SEMA3B: variants seen among roughly 807,000 people sequenced by gnomAD.
SEMA3B encodes the protein semaphorin-3B.
Under a neutral mutation model 77.8 loss-of-function variants are expected in SEMA3B, and 71 were observed. The observed-to-expected ratio is 0.91, with a 90% CI of 0.75 to 1.11. SEMA3B has a LOEUF of 1.11. Ranked by LOEUF, SEMA3B falls within the 50% of genes most tolerant of loss-of-function variation. The probability of loss-of-function intolerance (pLI) is 0.00; values close to 1 mark genes in which losing one functional copy is unlikely to be tolerated. For synonymous variants in SEMA3B, 470 were observed against 452.9 expected (o/e 1.04, Z -0.48); for missense variants, 968 against 1,056.8 (o/e 0.92, Z 1.17).
upstream of SEMA3B, among the ~76,000 whole-genome samples, chr3:50,265,911 AG>A (rs1553704393): frequency 6.6e-6 from 1 of 152,186 alleles, no homozygotes; most frequent in African/African-American, 2.4e-5. Flanking sequence ...TACTCAAGGG[AG>A]GGTACACATC....
In SEMA3B at chr3:50,270,093, G is replaced by A; in HGVS notation, c.110-34G>A. The A allele has an allele frequency of 1.3e-6, 2 of 1,500,360 alleles. No individual in the cohort carries two copies. The highest frequency in any genetic ancestry group is 1.8e-6 in the Non-Finnish European group (2 of 1,121,712). 92.9% of individuals were successfully genotyped at this position (1,500,360 alleles called of 1,614,324 possible). ...GGACCTGGGGGAGGCTTCCAGCATG[G>A]CTGGCGAGTCATCAGCAGTGTCCTG... On this transcript the variant is annotated intron_variant, in intron 1 of 16. Coordinates refer to ENST00000616701, the MANE Select transcript of SEMA3B (RefSeq NM_001290060.2). This position sits in a 1 kb window ranked among gnomAD's most constrained non-coding sequence, Gnocchi z 4.7.
Position 50,276,185 on chromosome 3 carries a change from C to T in SEMA3B, c.1846-117C>T, listed in dbSNP as rs1458328134. 9 of 1,324,732 alleles carry T rather than the reference C, an allele frequency of 6.8e-6. No individual in the cohort carries two copies. In the African/African-American group the frequency reaches 1.4e-4, roughly 20 times the overall value. 82.1% of individuals were successfully genotyped at this position (1,324,732 alleles called of 1,614,324 possible). A position where few individuals can be genotyped will look rare whatever the true frequency, so the allele number is the denominator to read the frequency against. On this transcript the variant is annotated intron_variant, in intron 16 of 16. Coordinates refer to ENST00000616701, the MANE Select transcript of SEMA3B (RefSeq NM_001290060.2). The surrounding 1 kb of genome is among the most constrained non-coding windows in gnomAD (Gnocchi z 5.8). The stretch of plus-strand genomic sequence containing the variant: ...CCTTAAAATGTGCGCCTGCGGGCAC[C>T]CCTTTCCCGCTCCACCTCGGCTCCC...
chr3:50,269,313 GC>G lies in SEMA3B; in HGVS notation c.78del (p.Ser27AlafsTer88). ...LLWAVGLGSA[A>X]PSPPRLRLSF... ...CTGGGCAGTGGGGCTGGGGAGTGCC[GC>G]CCCCAGCCCCCCACGCCTTCGGCTC... On this transcript the variant is annotated frameshift_variant, in exon 1 of 17. Coordinates refer to ENST00000616701, the MANE Select transcript of SEMA3B (RefSeq NM_001290060.2). LOFTEE classifies it high-confidence loss of function. The surrounding 1 kb of genome is among the most constrained non-coding windows in gnomAD (Gnocchi z 4.0). 2.0e-6 allele frequency: 3 copies of G among 1,523,134 alleles called. No homozygotes were observed. The highest frequency in any genetic ancestry group is 8.8e-7 in the Non-Finnish European group (1 of 1,140,010). The allele number at this position is 1,523,134 out of a possible 1,614,324, so 94.4% of individuals were successfully genotyped here. A position where few individuals can be genotyped will look rare whatever the true frequency, so the allele number is the denominator to read the frequency against.
At chr3:50,265,847 G>A (rs1553704386), upstream of SEMA3B, among the ~76,000 whole-genome samples, 4 of 152,148 alleles carry the variant, frequency 2.6e-5, no homozygotes, top group African/African-American at 9.7e-5. Context: ...ACAGAAAGGG[G>A]ACCATGTGGA....
downstream of SEMA3B, chr3:50,277,546 C>CAAAAAAAAAAAAAAAAAAAAAAAAAA (rs1156412582): frequency 4.4e-5 from 1 of 22,818 alleles, no homozygotes; most frequent in Non-Finnish European, 1.2e-4. Context: ...AGCGAGACTC[C>CAAAAAAAAAAAAAAAAAAAAAAAAAA]AAAAAAAAAA....
chr3:50,268,130 G>A (rs1700948583), upstream of SEMA3B, among the ~76,000 whole-genome samples: 1 of 152,174 alleles, frequency 6.6e-6, no homozygotes, highest in Non-Finnish European at 1.5e-5. Flanking sequence ...CCAGCTCAGC[G>A]AGGCCAGGAG....
rs1553705923 is a variant in SEMA3B, at chr3:50,273,836, G to A, written c.992+8G>A. The A allele has an allele frequency of 4.4e-6, 7 of 1,574,298 alleles. No individual in the cohort carries two copies. The highest frequency in any genetic ancestry group is 6.0e-6 in the Non-Finnish European group (7 of 1,159,000). On this transcript the variant is annotated splice_region_variant and intron_variant, in intron 9 of 16. Transcript: ENST00000616701. The surrounding 1 kb of genome is among the most constrained non-coding windows in gnomAD (Gnocchi z 6.5). ...CGTCTTCTCCACGTCCAGGTGAGGGGCAGGAGGTAGGGAGCGCCCGGGGCG... is the reference window on the plus strand; with the variant it reads ...CGTCTTCTCCACGTCCAGGTGAGGGACAGGAGGTAGGGAGCGCCCGGGGCG...
chr3:50,275,456 A>G lies in SEMA3B; in HGVS notation c.1646A>G (p.Lys549Arg). The change falls in exon 14 of 17, where the codon AAG becomes AGG. Residue 549 changes from lysine (K) to arginine (R), a missense_variant. Coordinates refer to ENST00000616701, the MANE Select transcript of SEMA3B (RefSeq NM_001290060.2). This position sits in a 1 kb window ranked among gnomAD's most constrained non-coding sequence, Gnocchi z 7.5. ...TGCACGCGCTTCCAGCCCAGTGCCA[A>G]GAGGTGGGCGGGGTCGGGGTTGGGC... Reference protein sequence around the residue: ...VACTRFQPSAKRRFRRQDVRN... With the variant: ...VACTRFQPSARRRFRRQDVRN... The G allele has an allele frequency of 6.2e-7, 1 of 1,607,276 alleles. No individual in the cohort carries two copies. The highest frequency in any genetic ancestry group is 1.1e-5 in the South Asian group (1 of 90,692).
upstream of SEMA3B, chr3:50,267,553 C>T (rs587684337): frequency 6.6e-6 from 1 of 152,524 alleles, no homozygotes; most frequent in Non-Finnish European, 1.5e-5. The surrounding 1 kb of genome is among the most constrained non-coding windows in gnomAD (Gnocchi z 5.7). Context: ...CCCGATCCGC[C>T]CTCTAAACTT....
Position 50,276,306 on chromosome 3 carries a change from T to A in SEMA3B, c.1850T>A (p.Leu617Gln). 6.6e-7 allele frequency: 1 copy of A among 1,509,720 alleles called. No individual in the cohort carries two copies. The highest frequency in any genetic ancestry group is 8.8e-7 in the Non-Finnish European group (1 of 1,131,886). The allele number at this position is 1,509,720 out of a possible 1,614,324, so 93.5% of individuals were successfully genotyped here. A position where few individuals can be genotyped will look rare whatever the true frequency, so the allele number is the denominator to read the frequency against. The part of the protein sequence containing the change: ...RAGVTAHTQV[L>Q]AEERTERTAR... ...CACGCTGCCCTCTGCCCGCAGGTGCTGGCAGAGGAGCGCACCGAGCGCACC... is the reference window on the plus strand; with the variant it reads ...CACGCTGCCCTCTGCCCGCAGGTGCAGGCAGAGGAGCGCACCGAGCGCACC... The change falls in exon 17 of 17, where the codon CTG becomes CAG. Residue 617 changes from leucine (L) to glutamine (Q), a missense_variant. Leu to Gln is a moderately radical substitution (Grantham distance 113). Coordinates refer to ENST00000616701, the MANE Select transcript of SEMA3B (RefSeq NM_001290060.2). This position sits in a 1 kb window ranked among gnomAD's most constrained non-coding sequence, Gnocchi z 5.8.
In SEMA3B at chr3:50,274,485, T is replaced by C. The variant is rs1553706114; in HGVS notation, c.1260T>C (p.Leu420=). 1 of 1,553,372 alleles carries C rather than the reference T, an allele frequency of 6.4e-7. No homozygotes were observed. The highest frequency in any genetic ancestry group is 8.7e-7 in the Non-Finnish European group (1 of 1,152,770). The part of the protein sequence containing the change: ...NSVLPTGGRP[L]FLQVGANYTF... The stretch of plus-strand genomic sequence containing the variant: ...TCCTGCCCACTGGGGGGCGCCCTCT[T>C]TTCCTACAAGTTGGAGCCAATTACA... The change falls in exon 11 of 17, where the codon CTT becomes CTC. Residue 420 remains leucine (L), a synonymous_variant. Coordinates refer to ENST00000616701, the MANE Select transcript of SEMA3B (RefSeq NM_001290060.2). This position sits in a 1 kb window ranked among gnomAD's most constrained non-coding sequence, Gnocchi z 4.7.
At chr3:50,266,240 A>C (rs1292883216), upstream of SEMA3B, among the ~76,000 whole-genome samples, 5 of 152,154 alleles carry the variant, frequency 3.3e-5, no homozygotes, top group East Asian at 9.7e-4. Context: ...GTCTGCTTGC[A>C]TGGAGCCAGG....
upstream of SEMA3B, among the ~76,000 whole-genome samples, chr3:50,265,437 G>A (rs1302469221): frequency 6.6e-6 from 1 of 151,688 alleles, no homozygotes; most frequent in East Asian, 1.9e-4. Context: ...AGTCCAGGCA[G>A]GGGCAAAGGG....
upstream of SEMA3B, among the ~76,000 whole-genome samples, chr3:50,263,850 G>T (rs782154631): frequency 3.7e-4 from 57 of 152,090 alleles, 1 homozygote; most frequent in Middle Eastern, 3.4e-3. Context: ...GGGCACAGAG[G>T]GTTGAGGACC....
At chr3:50,271,980 T>C (rs181810186) in intron 6 of SEMA3B, among the ~76,000 whole-genome samples, 6 of 152,292 alleles carry the variant, frequency 3.9e-5, no homozygotes, top group Admixed American at 3.3e-4. Context: ...AGTCATTTAT[T>C]CTAAGAGTCA....
rs910825184 is a variant in SEMA3B at position 50,271,264 on chromosome 3, G to C, written c.544+83G>C. 20 of 1,546,200 alleles carry C rather than the reference G, an allele frequency of 1.3e-5. No homozygotes were observed. The African/African-American group carries it at 2.6e-4, about 20-fold the overall frequency. On this transcript the variant is annotated intron_variant, in intron 5 of 16. Coordinates refer to ENST00000616701, the MANE Select transcript of SEMA3B (RefSeq NM_001290060.2). ...AGTCCCAAGACCCCCAAGAGCTCCAGGGAATCCCCCATAACCTCACTCACT... is the reference window on the plus strand; with the variant it reads ...AGTCCCAAGACCCCCAAGAGCTCCACGGAATCCCCCATAACCTCACTCACT...
Position 50,274,994 on chromosome 3 carries a change from G to A in SEMA3B, c.1450-18G>A. 6.3e-7 allele frequency: 1 copy of A among 1,590,632 alleles called. No homozygotes were observed. The highest frequency in any genetic ancestry group is 1.8e-4 in the Middle Eastern group (1 of 5,462). ...CACCCCACTAAGCCCTGACCCCGTC[G>A]CCCCTCCTCCCTCTCAGGACTCGGC... On this transcript the variant is annotated intron_variant, in intron 12 of 16. Transcript: ENST00000616701. The surrounding 1 kb of genome is among the most constrained non-coding windows in gnomAD (Gnocchi z 4.7).
Position 50,274,835 on chromosome 3 carries a change from C to T in SEMA3B, c.1358-8C>T, listed in dbSNP as rs879975724. The T allele has an allele frequency of 1.2e-6, 2 of 1,610,224 alleles. No homozygotes were observed. The highest frequency in any genetic ancestry group is 2.7e-5 in the African/African-American group (2 of 74,874). ...ACCAATGGTCATTACCCCTTCTCAT[C>T]CCTGCAGACGTTGGCACGGTGCTGA... is the stretch of plus-strand genomic sequence containing the variant. On this transcript the variant is annotated splice_polypyrimidine_tract_variant and splice_region_variant and intron_variant, in intron 11 of 16. Transcript: ENST00000616701. The surrounding 1 kb of genome is among the most constrained non-coding windows in gnomAD (Gnocchi z 4.7).
chr3:50,265,627 G>T (rs1700882302), upstream of SEMA3B, among the ~76,000 whole-genome samples: 1 of 152,250 alleles, frequency 6.6e-6, no homozygotes, highest in South Asian at 2.1e-4. Flanking sequence ...GAGAGGTCCA[G>T]GGTAGGAGTA....
Sources: gnomAD v4.1 joint callset for allele counts (sites outside exome capture counted in the v4.1 genomes callset) on GRCh38, gnomAD v4.1.1 for gene constraint, Gnocchi (gnomAD v3.1) non-coding constraint, MANE v1.5 for transcripts, NCBI Gene and HGNC (gene_info 2026-07-23, HGNC 2026-07-21) for gene names.